Variants in MAPKAPK3 observed in about 807,000 individuals in gnomAD.
MAPKAPK3 encodes the protein MAPK activated protein kinase 3.
MAPKAPK3 carries 35 observed loss-of-function variants against 49.2 expected under a neutral mutation model. That is an observed-to-expected ratio of 0.71 (90% CI 0.54 to 0.94). The LOEUF (loss-of-function observed/expected upper bound fraction) is 0.94. MAPKAPK3 is among the 40% of genes least tolerant of loss of function. MAPKAPK3 has a pLI of 0.00. For missense variants in MAPKAPK3, 398 were observed against 493.1 expected, an observed-to-expected ratio of 0.81 and a Z score of 1.83; for synonymous variants, 178 against 188.7, an observed-to-expected ratio of 0.94 and a Z score of 0.46.
rs1172659132 is a variant in MAPKAPK3 at position 50,646,283 on chromosome 3, C to A, written c.829+19C>A. On this transcript the variant is annotated intron_variant, in intron 8 of 10. Coordinates refer to ENST00000621469, the MANE Select transcript of MAPKAPK3 (RefSeq NM_001243925.2). ...GAGGATGGTGAGTGAACCTCTCTGT[C>A]CCAGCCTGACTCACCTGGCCCCTGC... 6.2e-7 allele frequency: 1 copy of A among 1,613,874 alleles called. No individual in the cohort carries two copies. Among genetic ancestry groups the A allele is most frequent in the Non-Finnish European group, 8.5e-7 (1 of 1,179,950 alleles).
upstream of MAPKAPK3, among the ~76,000 whole-genome samples, chr3:50,613,472 AC>A (rs1024307816): frequency 6.6e-6 from 1 of 152,128 alleles, no homozygotes; most frequent in African/African-American, 2.4e-5. Context: ...GGGGATGGAT[AC>A]CTTATAACCC....
chr3:50,614,979 A>G (rs1480171794), upstream of MAPKAPK3, among the ~76,000 whole-genome samples: 1 of 152,256 alleles, frequency 6.6e-6, no homozygotes, highest in Non-Finnish European at 1.5e-5. Flanking sequence ...AAAAAATACA[A>G]TTATAAAATT....
intron 5 of MAPKAPK3, among the ~76,000 whole-genome samples, chr3:50,643,790 G>T (rs1207270334): frequency 6.6e-6 from 1 of 151,808 alleles, no homozygotes; most frequent in Non-Finnish European, 1.5e-5. Flanking sequence ...TTCTACCCCG[G>T]CTCTGCTTGG....
At position 50,641,777 on chromosome 3, in the gene MAPKAPK3, T is replaced by C. The variant is rs1340348677; in HGVS notation, c.424+6T>C. 6.2e-7 allele frequency: 1 copy of C among 1,613,382 alleles called. No homozygotes were observed. The highest frequency in any genetic ancestry group is 8.5e-7 in the Non-Finnish European group (1 of 1,179,316). On this transcript the variant is annotated splice_donor_region_variant and intron_variant, in intron 4 of 10. Coordinates refer to ENST00000621469, the MANE Select transcript of MAPKAPK3 (RefSeq NM_001243925.2). ...CCAGGCTTTCACTGAGAGAGGTATGTGCATGTAGCTGGACCAGCAGGAGGA... is the reference window on the plus strand; with the variant it reads ...CCAGGCTTTCACTGAGAGAGGTATGCGCATGTAGCTGGACCAGCAGGAGGA...
intron 10 of MAPKAPK3, 89 bp downstream of exon 10, chr3:50,647,292 T>A: frequency 9.4e-7 from 1 of 1,062,130 alleles, no homozygotes; most frequent in Non-Finnish European, 1.4e-6. Flanking sequence ...GTCTGGGGTC[T>A]TTGGCCCCTT....
chr3:50,628,760 C>G (rs1314062105), intron 2 of MAPKAPK3, among the ~76,000 whole-genome samples: 1 of 151,886 alleles, frequency 6.6e-6, no homozygotes, highest in East Asian at 1.9e-4. Flanking sequence ...GGGGAGGAGG[C>G]CATAGCTGTC....
intron 2 of MAPKAPK3, among the ~76,000 whole-genome samples, chr3:50,626,852 G>A (rs111697006): frequency 6.8e-4 from 103 of 152,260 alleles, no homozygotes; most frequent in African/African-American, 2.3e-3. Flanking sequence ...TCCTCTCTGC[G>A]TGTGTGCTCC....
At chr3:50,636,161 C>T (rs954487564) in intron 2 of MAPKAPK3, among the ~76,000 whole-genome samples, 5 of 152,142 alleles carry the variant, frequency 3.3e-5, no homozygotes, top group African/African-American at 1.2e-4. Context: ...TGTCAGGCCC[C>T]GTATCCCAGT....
intron 2 of MAPKAPK3, among the ~76,000 whole-genome samples, chr3:50,629,055 T>C (rs2032836319): frequency 6.6e-6 from 1 of 152,148 alleles, no homozygotes; most frequent in Admixed American, 6.5e-5. Context: ...GTTTCTGTTC[T>C]TTCAGTCTTG....
At chr3:50,638,264 C>T (rs1213650126) in intron 2 of MAPKAPK3, among the ~76,000 whole-genome samples, 1 of 152,030 alleles carries the variant, frequency 6.6e-6, no homozygotes, top group Non-Finnish European at 1.5e-5. Flanking sequence ...AAAGAAGGAA[C>T]CCGGTGCAGG....
At chr3:50,622,279 T>A (rs184045162) in intron 2 of MAPKAPK3, among the ~76,000 whole-genome samples, 2 of 152,198 alleles carry the variant, frequency 1.3e-5, no homozygotes, top group Non-Finnish European at 2.9e-5. Flanking sequence ...TGGCTGTGTA[T>A]GTTCTGAGCC....
intron 5 of MAPKAPK3, 42 bp from the exon 6 acceptor site, chr3:50,644,367 T>C: frequency 6.2e-7 from 1 of 1,611,452 alleles, no homozygotes; most frequent in South Asian, 1.1e-5. Context: ...TGCTCCTGCC[T>C]GGTTCCTAAC....
intron 5 of MAPKAPK3, among the ~76,000 whole-genome samples, chr3:50,644,141 A>G (rs538469355): frequency 1.3e-5 from 2 of 152,330 alleles, no homozygotes; most frequent in African/African-American, 4.8e-5. Context: ...CAGGATCAGA[A>G]GTTCCTGCTC....
chr3:50,642,955 G>A (rs71326941), intron 5 of MAPKAPK3, among the ~76,000 whole-genome samples: 47,054 of 152,068 alleles, frequency 0.31, 9,429 homozygotes, highest in Non-Finnish European at 0.42. Flanking sequence ...AGGTTTAAGC[G>A]ATTCTCCTGC....
rs34739678 is a variant in MAPKAPK3 at position 50,648,255 on chromosome 3, C to T, written c.*209C>T. 1.0e-3 allele frequency: 599 copies of T among 576,608 alleles called. No individual in the cohort carries two copies. The highest frequency in any genetic ancestry group is 1.4e-3 in the Non-Finnish European group (460 of 334,504). The allele number at this position is 576,608 out of a possible 1,614,324, so 35.7% of individuals were successfully genotyped here. ...CCCAGGCTCAAGCCCTAGAGATGGG[C>T]AGGGCCTAGGGGCTGGGAGCTGCCT... On this transcript the variant is annotated 3_prime_UTR_variant, in exon 11 of 11. Transcript: ENST00000621469.
intron 2 of MAPKAPK3, among the ~76,000 whole-genome samples, chr3:50,636,258 G>C (rs1426147294): frequency 6.6e-6 from 1 of 152,238 alleles, no homozygotes; most frequent in Non-Finnish European, 1.5e-5. Context: ...TGGCCTGGCT[G>C]GGGGATCAGC....
chr3:50,635,471 G>A (rs1171165072), intron 2 of MAPKAPK3, among the ~76,000 whole-genome samples: 1 of 117,732 alleles, frequency 8.5e-6, no homozygotes, highest in Non-Finnish European at 1.6e-5. Context: ...AGGCTGTAGT[G>A]CAGTGGCACG....
At chr3:50,637,909 CAG>C (rs2033083422) in intron 2 of MAPKAPK3, among the ~76,000 whole-genome samples, 1 of 152,052 alleles carries the variant, frequency 6.6e-6, no homozygotes, top group Non-Finnish European at 1.5e-5. Context: ...TTTTTCTGGC[CAG>C]AACAAAGTGG....
intron 2 of MAPKAPK3, among the ~76,000 whole-genome samples, chr3:50,618,044 G>C (rs977024250): frequency 5.5e-4 from 84 of 152,242 alleles, no homozygotes; most frequent in African/African-American, 2.0e-3. Context: ...TCCGGAAGCA[G>C]GGAAGGGGTG....
Sources: gnomAD v4.1 joint callset for allele counts (sites outside exome capture counted in the v4.1 genomes callset) on GRCh38, gnomAD v4.1.1 for gene constraint, MANE v1.5 for transcripts, NCBI Gene and HGNC (gene_info 2026-07-23, HGNC 2026-07-21) for gene names.